The following REV1 variants were observed in gnomAD, a reference collection of about 807,000 sequenced individuals.
REV1 encodes REV1 DNA directed polymerase.
A neutral mutation model predicts 137.4 loss-of-function variants in REV1; 42 were observed. That is an observed-to-expected ratio of 0.31 (90% confidence interval 0.24 to 0.40). The LOEUF is 0.40. Among genes scored for constraint, REV1 ranks in the 10% least tolerant of loss-of-function variants. The pLI is 1.00. For synonymous variants in REV1, 524 were observed against 519.2 expected, an observed-to-expected ratio of 1.01 and a Z score of -0.12; for missense variants, 1,282 against 1,490.1, an observed-to-expected ratio of 0.86 and a Z score of 2.30.
In REV1 at chr2:99,443,874, G is replaced by A. The variant is rs62155788; in HGVS notation, c.351-1405C>T. On this transcript the variant is annotated intron_variant, in intron 4 of 22. Coordinates refer to ENST00000258428, the MANE Select transcript of REV1 (RefSeq NM_016316.4). ...TTTTTTTTTTTTGAGACGGAGTCTC[G>A]CTCTGTCGCCCAGGCTGGAGTGCAG... 2.7e-5 allele frequency among the ~76,000 whole-genome samples: 4 copies of A among 150,072 alleles called. No individual in the cohort carries two copies. In the East Asian group the frequency reaches 5.9e-4, roughly 22 times the overall value.
chr2:99,456,005 T>TC (rs1285870513), intron 3 of REV1, among the ~76,000 whole-genome samples: 5 of 152,130 alleles, frequency 3.3e-5, no homozygotes, highest in African/African-American at 9.7e-5. Flanking sequence ...ATATGAACTG[T>TC]CCCAATCTCA....
chr2:99,447,505 T>C (rs1250040097), intron 4 of REV1, among the ~76,000 whole-genome samples: 1 of 152,100 alleles, frequency 6.6e-6, no homozygotes, highest in Non-Finnish European at 1.5e-5. Flanking sequence ...TAATGTACTT[T>C]TGAATTTTTG....
intron 14 of REV1, 132 bp downstream of exon 14, chr2:99,410,562 CT>C (rs1159473364): frequency 2.1e-5 from 16 of 771,686 alleles, no homozygotes; most frequent in Non-Finnish European, 2.8e-5. Context: ...CTGATGCCTG[CT>C]TCTACAGAAT....
chr2:99,433,167 A>G (rs1680330168), intron 8 of REV1, among the ~76,000 whole-genome samples: 1 of 152,200 alleles, frequency 6.6e-6, no homozygotes, highest in Non-Finnish European at 1.5e-5. Flanking sequence ...AATAGCACAC[A>G]GAAAATACAA....
At position 99,449,842 on chromosome 2, in the gene REV1, TTG is replaced by T. The variant is rs544251158; in HGVS notation, c.182-340_182-339del. On this transcript the variant is annotated intron_variant, in intron 3 of 22. Coordinates refer to ENST00000258428, the MANE Select transcript of REV1 (RefSeq NM_016316.4). ...CTATACTTAGCATATGACCTTGATATTGTGTTTTTAAAAATTAACAACTATAA... is the reference window on the plus strand; with the variant it reads ...CTATACTTAGCATATGACCTTGATATTGTTTTTAAAAATTAACAACTATAA... Among the ~76,000 whole-genome samples the T allele has an allele frequency of 1.1e-4, 17 of 152,324 alleles. No homozygotes were observed. In the East Asian group the frequency reaches 2.9e-3, roughly 26 times the overall value.
intron 9 of REV1, chr2:99,424,690 C>A: frequency 8.4e-7 from 1 of 1,185,708 alleles, no homozygotes. Flanking sequence ...AGGGTTCATC[C>A]CCCAAAGACA....
chr2:99,471,939 T>TG (rs898345856), intron 1 of REV1, among the ~76,000 whole-genome samples: 1 of 148,062 alleles, frequency 6.8e-6, no homozygotes, highest in Non-Finnish European at 1.5e-5. Context: ...AGGAAGAAAT[T>TG]GGGCCCCCGA....
rs201279451 is a variant in REV1 at position 99,404,576 on chromosome 2, T to G, written c.2913A>C (p.Lys971Asn). 1.3e-4 allele frequency: 217 copies of G among 1,614,144 alleles called. 3 individuals are homozygous for G. The South Asian group carries it at 1.4e-3, about 10-fold the overall frequency. Residue 971 changes from lysine to asparagine, a missense_variant, in exon 18 of 23, where the codon AAA (lysine) becomes AAC (asparagine). Coordinates refer to ENST00000258428, the MANE Select transcript of REV1 (RefSeq NM_016316.4). ...CTGTATTACAGCCATTTACTGGTTC[T>G]TTCTTTTTGTCGCCATGTGACTCTG... ...QQAESHGDKK[K>N]EPVNGCNTGI...
intron 1 of REV1, among the ~76,000 whole-genome samples, chr2:99,483,257 G>C (rs1427313301): frequency 6.6e-6 from 1 of 152,108 alleles, no homozygotes; most frequent in Non-Finnish European, 1.5e-5. Context: ...ACTCAGACCA[G>C]TGCCTAAAAG....
chr2:99,474,824 C>G (rs545024172), intron 1 of REV1, among the ~76,000 whole-genome samples: 27 of 151,994 alleles, frequency 1.8e-4, no homozygotes, highest in African/African-American at 5.5e-4. Flanking sequence ...ATCACTTGAA[C>G]GCGGTAGGCA....
chr2:99,459,207 CA>C (rs201658669), intron 3 of REV1, among the ~76,000 whole-genome samples: 85,711 of 136,564 alleles, frequency 0.63, 25,742 homozygotes, highest in African/African-American at 0.73. Flanking sequence ...GACTCTGTCT[CA>C]AAAAAAAAAA....
chr2:99,437,125 G>A (rs1320926133), intron 6 of REV1, among the ~76,000 whole-genome samples: 1 of 151,402 alleles, frequency 6.6e-6, no homozygotes, highest in Non-Finnish European at 1.5e-5. Context: ...GACCGCAGGT[G>A]CGTGCCACCA....
intron 1 of REV1, among the ~76,000 whole-genome samples, chr2:99,485,249 A>G (rs1687017548): frequency 6.6e-6 from 1 of 152,260 alleles, no homozygotes; most frequent in Non-Finnish European, 1.5e-5. Flanking sequence ...AAGTTGTATT[A>G]GCTGAAAATA....
At chr2:99,424,900 C>G (rs1231776731) in intron 9 of REV1, 1 of 1,299,852 alleles carries the variant, frequency 7.7e-7, no homozygotes, top group Admixed American at 2.3e-5. Context: ...TTTGAGGGAC[C>G]TAATTGAAAA....
At chr2:99,465,123 T>G (rs551659722) in intron 1 of REV1, 138 bp from the exon 2 acceptor site, 10 of 720,410 alleles carry the variant, frequency 1.4e-5, no homozygotes, top group Non-Finnish European at 1.8e-5. Flanking sequence ...TAAGTAAACT[T>G]TTTCTGAAGT....
At position 99,453,676 on chromosome 2, in the gene REV1, C is replaced by G. The variant is rs560192408; in HGVS notation, c.182-4172G>C. Among the ~76,000 whole-genome samples the G allele has an allele frequency of 1.4e-4, 22 of 151,942 alleles. 1 individual carries two copies. In the South Asian group the frequency reaches 4.6e-3, roughly 32 times the overall value. On this transcript the variant is annotated intron_variant, in intron 3 of 22. Transcript: ENST00000258428. ...GTGGGAGGCCAAGGCAGGCGGATCA[C>G]AAGGTCAGGAGTTCGAGACCAGCCT...
chr2:99,441,806 T>C (rs1681518588), intron 5 of REV1, among the ~76,000 whole-genome samples: 1 of 152,212 alleles, frequency 6.6e-6, no homozygotes, highest in Non-Finnish European at 1.5e-5. Context: ...AAAAACTTAC[T>C]TACATTTATG....
intron 5 of REV1, among the ~76,000 whole-genome samples, chr2:99,440,945 A>G (rs1482890415): frequency 6.6e-6 from 1 of 152,222 alleles, no homozygotes; most frequent in East Asian, 1.9e-4. Context: ...GACATTTGCA[A>G]AGTAGCTGTA....
chr2:99,403,470 T>C (rs111908627), intron 19 of REV1: 26 of 625,066 alleles, frequency 4.2e-5, no homozygotes, highest in African/African-American at 4.0e-4. Flanking sequence ...TCCAACTTTT[T>C]AAAAAGTAAA....
Sources: allele counts gnomAD v4.1 joint callset (sites outside exome capture counted in the v4.1 genomes callset), GRCh38; gene constraint gnomAD v4.1.1; transcripts MANE v1.5; gene names NCBI Gene and HGNC (gene_info 2026-07-23, HGNC 2026-07-21).